The following CLIP4 variants were observed in gnomAD, a reference collection of about 807,000 sequenced individuals.
CLIP4 encodes CAP-Gly domain containing linker protein family member 4.
Under a neutral mutation model 73.1 loss-of-function variants are expected in CLIP4, and 47 were observed. That is an observed-to-expected ratio of 0.64 (90% CI 0.51 to 0.82). The LOEUF is 0.82. Ranked by LOEUF, CLIP4 falls within the 40% of genes least tolerant of loss-of-function variation. The probability of loss-of-function intolerance (pLI) is 0.00; values close to 1 mark genes in which losing one functional copy is unlikely to be tolerated. For missense variants in CLIP4, 874 were observed against 852.9 expected (o/e 1.02, Z -0.31); for synonymous variants, 306 against 295.4 (o/e 1.04, Z -0.37).
chr2:29,152,851 C>T lies in CLIP4; in HGVS notation c.1165+23C>T, dbSNP rs1371388001. On this transcript the variant is annotated intron_variant, in intron 9 of 15. Transcript: ENST00000320081. ...CTGGTAGGTCAAACCAGAAAGTTAA[C>T]CATCTGCTTCAGTGTTTTAATTTTA... is the stretch of plus-strand genomic sequence containing the variant. 7 of 1,606,784 alleles carry T rather than the reference C, an allele frequency of 4.4e-6. No homozygotes were observed. In the East Asian group the frequency reaches 1.3e-4, roughly 31 times the overall value.
chr2:29,165,345 C>T (rs1667539178), intron 13 of CLIP4, among the ~76,000 whole-genome samples: 1 of 151,974 alleles, frequency 6.6e-6, no homozygotes, highest in East Asian at 1.9e-4. Flanking sequence ...GGTCTGTTTG[C>T]AGGGCCCTTC....
rs1246771780 is a variant in CLIP4, at chr2:29,135,641, A to G, written c.623A>G (p.Glu208Gly). 2.5e-6 allele frequency: 4 copies of G among 1,609,784 alleles called. No individual in the cohort carries two copies. Among genetic ancestry groups the G allele is most frequent in the Non-Finnish European group, 3.4e-6 (4 of 1,178,248 alleles). ...GCAGGTGCTGTGAAGTGCCTCTTGG[A>G]GCAGGGAGCAAATCCTGCATTTAGG... Reference protein sequence around the residue: ...LCAGAVKCLLEQGANPAFRND... With the variant: ...LCAGAVKCLLGQGANPAFRND... The change falls in exon 6 of 16, where the codon GAG becomes GGG. Residue 208 changes from glutamate to glycine, a missense_variant. Transcript: ENST00000320081.
At chr2:29,108,441 A>T (rs114805260) in intron 1 of CLIP4, among the ~76,000 whole-genome samples, 3,557 of 152,274 alleles carry the variant, frequency 0.023, 117 homozygotes, top group East Asian at 0.091. Context: ...ACGGGGCAGG[A>T]TGGCGTGAGA....
At chr2:29,111,310 T>G (rs563085001), upstream of CLIP4, among the ~76,000 whole-genome samples, 4 of 152,330 alleles carry the variant, frequency 2.6e-5, no homozygotes, top group South Asian at 8.3e-4. Context: ...TCATGAGAGC[T>G]GATAAAGCAC....
In CLIP4 at chr2:29,131,302, C is replaced by A; in HGVS notation, c.178C>A (p.Leu60Ile). 1 of 1,610,032 alleles carries A rather than the reference C, an allele frequency of 6.2e-7. No homozygotes were observed. The highest frequency in any genetic ancestry group is 1.1e-5 in the South Asian group (1 of 89,750). ...TAATGATGCATCATGCCAGGAAATT[C>A]TTTTTGATCCCAAAACTTCAGTTTC... ...DPNDASCQEI[L>I]FDPKTSVSEL... Residue 60 changes from leucine (L) to isoleucine (I), a missense_variant, in exon 3 of 16, where the codon CTT becomes ATT. Leu to Ile is a conservative substitution (Grantham distance 5). Transcript: ENST00000320081.
At chr2:29,152,157 G>A (rs776508344) in intron 8 of CLIP4, among the ~76,000 whole-genome samples, 7 of 152,274 alleles carry the variant, frequency 4.6e-5, no homozygotes, top group Middle Eastern at 3.4e-3. Context: ...CTGGAAGAGA[G>A]ATAAGAAAGA....
At chr2:29,130,767 T>G (rs1037883612) in intron 2 of CLIP4, 1 of 1,278,982 alleles carries the variant, frequency 7.8e-7, no homozygotes. Context: ...ACTCTAGAAG[T>G]AAGAACTATG....
intron 12 of CLIP4, among the ~76,000 whole-genome samples, chr2:29,161,221 G>A (rs1667272049): frequency 6.6e-6 from 1 of 152,140 alleles, no homozygotes. Context: ...TGATCTGCCC[G>A]CCTTGGCCTC....
At chr2:29,119,683 C>T (rs183677086) in intron 1 of CLIP4, among the ~76,000 whole-genome samples, 1 of 152,272 alleles carries the variant, frequency 6.6e-6, no homozygotes, top group East Asian at 1.9e-4. Context: ...CCCTTACAGC[C>T]TCACCTCTGA....
intron 1 of CLIP4, among the ~76,000 whole-genome samples, chr2:29,102,454 C>A (rs1041121726): frequency 6.6e-6 from 1 of 152,104 alleles, no homozygotes; most frequent in Admixed American, 6.5e-5. Flanking sequence ...ACTGTTGCCA[C>A]CTGAGTTCAG....
At chr2:29,101,159 G>A (rs1668031744) in intron 1 of CLIP4, among the ~76,000 whole-genome samples, 1 of 152,020 alleles carries the variant, frequency 6.6e-6, no homozygotes, top group Admixed American at 6.6e-5. Context: ...GCGTGGTGGT[G>A]CATGCCTGTA....
intron 14 of CLIP4, among the ~76,000 whole-genome samples, chr2:29,171,001 C>T (rs1667966676): frequency 6.6e-6 from 1 of 152,052 alleles, no homozygotes; most frequent in South Asian, 2.1e-4. Context: ...ATTACTGTAG[C>T]TTTATAGTAA....
At chr2:29,172,850 A>G (rs1256459669) in intron 14 of CLIP4, among the ~76,000 whole-genome samples, 1 of 152,144 alleles carries the variant, frequency 6.6e-6, no homozygotes, top group African/African-American at 2.4e-5. Context: ...TAATCCGGCC[A>G]TAAAGTTGTA....
In CLIP4 at chr2:29,174,382, G is replaced by T. The variant is rs1668198154; in HGVS notation, c.1733G>T (p.Arg578Ile). The T allele has an allele frequency of 6.2e-7, 1 of 1,610,694 alleles. No homozygotes were observed. Among genetic ancestry groups the T allele is most frequent in the African/African-American group, 1.3e-5 (1 of 74,762 alleles). Residue 578 changes from arginine to isoleucine, a missense_variant, in exon 15 of 16, where the codon AGA (arginine) becomes ATA (isoleucine). Arg to Ile is a moderately conservative substitution (Grantham distance 97, BLOSUM62 -3). Transcript: ENST00000320081. ...KQNHSYPGFR[R>I]SFSTTSASSQ... ...CAACTTTCATATTTAGGTTTTAGGA[G>T]AAGTTTTAGCACAACTTCTGCTTCT... is the stretch of plus-strand genomic sequence containing the variant.
intron 1 of CLIP4, among the ~76,000 whole-genome samples, chr2:29,099,077 A>G (rs1667961819): frequency 6.6e-6 from 1 of 152,314 alleles, no homozygotes; most frequent in South Asian, 2.1e-4. Flanking sequence ...TTAAATTTTA[A>G]GCCTTGTATA....
chr2:29,119,886 T>G (rs909465601), intron 1 of CLIP4, among the ~76,000 whole-genome samples: 7 of 152,216 alleles, frequency 4.6e-5, no homozygotes, highest in African/African-American at 1.7e-4. Context: ...TGCCTCATAA[T>G]CTATAGTTAT....
intron 2 of CLIP4, among the ~76,000 whole-genome samples, chr2:29,125,561 C>T (rs1035126156): frequency 1.3e-5 from 2 of 150,872 alleles, no homozygotes; most frequent in African/African-American, 4.8e-5. Flanking sequence ...CAGACTCTTA[C>T]TTAGCTCTGT....
intron 13 of CLIP4, among the ~76,000 whole-genome samples, chr2:29,166,530 G>GGC (rs1553378876): frequency 6.1e-5 from 9 of 146,914 alleles, no homozygotes; most frequent in African/African-American, 2.2e-4. Flanking sequence ...TACACACACA[G>GGC]ACACACACAC....
intron 12 of CLIP4, among the ~76,000 whole-genome samples, chr2:29,161,802 C>G (rs1437129916): frequency 6.6e-6 from 1 of 152,146 alleles, no homozygotes; most frequent in Admixed American, 6.5e-5. Flanking sequence ...CTAGCTCTAT[C>G]CTCCAAGGCT....
Sources: allele counts gnomAD v4.1 joint callset (sites outside exome capture counted in the v4.1 genomes callset), GRCh38; gene constraint gnomAD v4.1.1; transcripts MANE v1.5; gene names NCBI Gene and HGNC (gene_info 2026-07-23, HGNC 2026-07-21).